The following CCM2 variants were observed in gnomAD, a reference collection of about 807,000 sequenced individuals.
The protein encoded by CCM2 is CCM2 scaffold protein, also known as cerebral cavernous malformations 2 protein.
A neutral mutation model predicts 44.9 loss-of-function variants in CCM2; 25 were observed. The ratio of observed to expected loss-of-function variants is 0.56; its 90% CI spans 0.41 to 0.78. The LOEUF (loss-of-function observed/expected upper bound fraction) is 0.78. Among genes scored for constraint, CCM2 ranks in the 30% least tolerant of loss-of-function variants. The pLI is 0.00. For missense variants in CCM2, 481 were observed against 580.6 expected (o/e 0.83, Z 1.76); for synonymous variants, 219 against 241.1 (o/e 0.91, Z 0.85).
chr7:45,023,758 T>G (rs1408022125), intron 1 of CCM2, among the ~76,000 whole-genome samples: 2 of 150,648 alleles, frequency 1.3e-5, no homozygotes, highest in Non-Finnish European at 3.0e-5. Context: ...GCATCTTTGT[T>G]TAGTCATTAT....
rs187724008 is a variant in CCM2 at position 45,068,506 on chromosome 7, C to T, written c.536C>T (p.Ala179Val). The change falls in exon 5 of 10, where the codon GCA (alanine) becomes GTA (valine). Residue 179 changes from alanine to valine, a missense_variant. Transcript: ENST00000258781. ...LCAESSRGLS[A>V]GSLSESAVGP... ...GCGGAAAGTTCCAGAGGCCTCAGTG[C>T]AGGCTCCCTGTCGGAGAGTGCAGTT... The T allele has an allele frequency of 2.5e-6, 4 of 1,614,194 alleles. No individual in the cohort carries two copies. The highest frequency in any genetic ancestry group is 4.5e-5 in the East Asian group (2 of 44,880).
intron 1 of CCM2, among the ~76,000 whole-genome samples, chr7:45,023,812 T>C (rs1177573388): frequency 7.0e-6 from 1 of 141,878 alleles, no homozygotes; most frequent in Non-Finnish European, 1.5e-5. Flanking sequence ...TTTTTTTTTT[T>C]TTTTTTTTTT....
At chr7:45,021,729 A>G (rs1303385314) in intron 1 of CCM2, among the ~76,000 whole-genome samples, 1 of 151,766 alleles carries the variant, frequency 6.6e-6, no homozygotes, top group Non-Finnish European at 1.5e-5. Flanking sequence ...GCAGGGGAAG[A>G]TGAGACAGGG....
At chr7:45,073,873 T>C in intron 8 of CCM2, 1 of 540,352 alleles carries the variant, frequency 1.9e-6, no homozygotes, top group Non-Finnish European at 3.3e-6. Flanking sequence ...TGGCCAGACA[T>C]TTTTATCCTC....
chr7:45,038,295 GAA>G lies in CCM2; in HGVS notation c.76_77del (p.Lys26GlufsTer2). 2 of 1,614,206 alleles carry G rather than the reference GAA, an allele frequency of 1.2e-6. No individual in the cohort carries two copies. The highest frequency in any genetic ancestry group is 1.7e-6 in the Non-Finnish European group (2 of 1,180,034). On this transcript the variant is annotated frameshift_variant, in exon 2 of 10. Transcript: ENST00000258781. LOFTEE classifies it high-confidence loss of function. ...SPFKRVFLKG[E>X]KSRDKKAHEK... ...ATTTAAACGAGTATTCCTAAAAGGT[GAA>G]AAGAGTAGAGATAAGAAAGCCCATG...
At chr7:45,056,847 TG>T (rs2128743442) in intron 2 of CCM2, among the ~76,000 whole-genome samples, 1 of 152,378 alleles carries the variant, frequency 6.6e-6, no homozygotes, top group South Asian at 2.1e-4. Flanking sequence ...GTTTTTCTTT[TG>T]TTGCCTGTGC....
At chr7:45,028,746 C>T (rs1343166092) in intron 1 of CCM2, among the ~76,000 whole-genome samples, 1 of 151,768 alleles carries the variant, frequency 6.6e-6, no homozygotes, top group African/African-American at 2.4e-5. Flanking sequence ...CTCTCCAGCA[C>T]CGAGGAAAGG....
chr7:45,069,009 G>T (rs1258008715), intron 5 of CCM2, among the ~76,000 whole-genome samples: 2 of 152,234 alleles, frequency 1.3e-5, no homozygotes, highest in Non-Finnish European at 2.9e-5. Flanking sequence ...TCCTAGACCT[G>T]CCTGGTGTTA....
chr7:45,021,598 A>C (rs1219142904), intron 1 of CCM2, among the ~76,000 whole-genome samples: 1 of 151,844 alleles, frequency 6.6e-6, no homozygotes, highest in Non-Finnish European at 1.5e-5. Flanking sequence ...AATAATAAAT[A>C]AATAAAACTA....
At chr7:45,075,117 G>A (rs745821052) in intron 9 of CCM2, among the ~76,000 whole-genome samples, 1 of 152,268 alleles carries the variant, frequency 6.6e-6, no homozygotes, top group Non-Finnish European at 1.5e-5. Flanking sequence ...GCTCTTAGGA[G>A]CGTGAAGGGC....
chr7:45,060,819 G>C (rs1798484740), intron 2 of CCM2, among the ~76,000 whole-genome samples: 2 of 152,176 alleles, frequency 1.3e-5, no homozygotes, highest in South Asian at 4.1e-4. Context: ...TGCTTATGCT[G>C]CCTATCTGTT....
chr7:45,049,507 G>C (rs1390536610), intron 2 of CCM2, among the ~76,000 whole-genome samples: 3 of 152,126 alleles, frequency 2.0e-5, no homozygotes, highest in Non-Finnish European at 4.4e-5. Flanking sequence ...ATTTATCGCC[G>C]AGTGTTCACA....
In CCM2 at chr7:45,004,377, A is replaced by G. The variant is rs76843992; in HGVS notation, c.30+4014A>G. Among the ~76,000 whole-genome samples, 523 of 152,306 alleles carry G rather than the reference A, an allele frequency of 3.4e-3. 13 individuals are homozygous for G. In the East Asian group the frequency reaches 0.04, roughly 12 times the overall value. Reference sequence around the variant, plus strand: ...TAGAAGAAACAAAGGGGATAGCTGAATGCTTTGGTAATGGTTATATATTGT... The same window carrying G: ...TAGAAGAAACAAAGGGGATAGCTGAGTGCTTTGGTAATGGTTATATATTGT... On this transcript the variant is annotated intron_variant, in intron 1 of 9. Transcript: ENST00000258781.
chr7:45,074,248 A>G (rs1562919424), intron 8 of CCM2, 22 bp from the exon 9 acceptor site: 6 of 1,613,204 alleles, frequency 3.7e-6, no homozygotes, highest in South Asian at 2.2e-5. Flanking sequence ...CCAGCCCCCT[A>G]TCTGGCTCTG....
In CCM2 at chr7:45,018,764, C is replaced by CT. The variant is rs531985553; in HGVS notation, c.30+18415dup. Reference sequence around the variant, plus strand: ...TTTTATTTGACAGTTTTAAGAATTTCTTTTTTTTTTTTTTGAGATGGAGTC... The same window carrying CT: ...TTTTATTTGACAGTTTTAAGAATTTCTTTTTTTTTTTTTTTGAGATGGAGTC... On this transcript the variant is annotated intron_variant, in intron 1 of 9. Coordinates refer to ENST00000258781, the MANE Select transcript of CCM2 (RefSeq NM_031443.4). Among the ~76,000 whole-genome samples the CT allele has an allele frequency of 1.7e-3, 242 of 139,842 alleles. 2 individuals carry two copies. The highest frequency in any genetic ancestry group is 3.7e-3 in the Middle Eastern group (1 of 270). The allele number at this position is 139,842 out of a possible 152,430, so 91.7% of individuals were successfully genotyped here. A position where few individuals can be genotyped will look rare whatever the true frequency, so the allele number is the denominator to read the frequency against.
At chr7:45,051,646 T>C (rs28368846) in intron 2 of CCM2, among the ~76,000 whole-genome samples, 19,716 of 151,360 alleles carry the variant, frequency 0.13, 1,487 homozygotes, top group Middle Eastern at 0.21. Context: ...CTGCAAGCTC[T>C]GCCTCCCGGG....
At position 45,000,325 on chromosome 7, in the gene CCM2, C is replaced by A. The variant is rs1322076091; in HGVS notation, c.-9C>A. The A allele has an allele frequency of 4.7e-6, 6 of 1,277,928 alleles. No homozygotes were observed. Among genetic ancestry groups the A allele is most frequent in the Non-Finnish European group, 5.0e-6 (5 of 1,004,884 alleles). 79.2% of individuals were successfully genotyped at this position (1,277,928 alleles called of 1,614,324 possible). On this transcript the variant is annotated 5_prime_UTR_variant, in exon 1 of 10. Coordinates refer to ENST00000258781, the MANE Select transcript of CCM2 (RefSeq NM_031443.4). ...GGCCGGGCGGGCCGCGGGAGCCGCACGCGGCGATATGGAAGAGGAGGGCAA... is the reference window on the plus strand; with the variant it reads ...GGCCGGGCGGGCCGCGGGAGCCGCAAGCGGCGATATGGAAGAGGAGGGCAA...
chr7:45,020,597 G>C (rs1796445082), intron 1 of CCM2, among the ~76,000 whole-genome samples: 1 of 152,160 alleles, frequency 6.6e-6, no homozygotes, highest in South Asian at 2.1e-4. Flanking sequence ...TGCACTTGCT[G>C]GGAAACATAA....
intron 3 of CCM2, 144 bp downstream of exon 3, chr7:45,064,145 C>T: frequency 1.5e-6 from 1 of 658,002 alleles, no homozygotes; most frequent in Non-Finnish European, 2.7e-6. Context: ...AAAGACTATT[C>T]CTTAGTATGG....
Sources: gnomAD v4.1 joint callset for allele counts (sites outside exome capture counted in the v4.1 genomes callset) on GRCh38, gnomAD v4.1.1 for gene constraint, MANE v1.5 for transcripts, NCBI Gene and HGNC (gene_info 2026-07-23, HGNC 2026-07-21) for gene names.